LRRK2: variants seen among roughly 807,000 people sequenced by gnomAD.
LRRK2 encodes the protein leucine-rich repeat serine/threonine-protein kinase 2.
A neutral mutation model predicts 302.6 loss-of-function variants in LRRK2; 203 were observed. The ratio of observed to expected loss-of-function variants is 0.67; its 90% confidence interval spans 0.60 to 0.75. The LOEUF (loss-of-function observed/expected upper bound fraction) is 0.75. LRRK2 is among the 30% of genes least tolerant of loss of function. The pLI is 0.00. For missense variants in LRRK2, 2,830 were observed against 2,951.0 expected, an observed-to-expected ratio of 0.96 and a Z score of 0.95; for synonymous variants, 1,066 against 1,031.9, an observed-to-expected ratio of 1.03 and a Z score of -0.63.
rs554631231 is a variant in LRRK2 at position 40,333,668 on chromosome 12, A to G, written c.5758-1299A>G. ...CAATCCCTCTGTCCAAGCCAAAATGATATCTCGGACTTTTTTTGAATTGCA... is the reference window on the plus strand; with the variant it reads ...CAATCCCTCTGTCCAAGCCAAAATGGTATCTCGGACTTTTTTTGAATTGCA... On this transcript the variant is annotated intron_variant, in intron 39 of 50. Transcript: ENST00000298910. Among the ~76,000 whole-genome samples the G allele has an allele frequency of 2.7e-5, 4 of 150,330 alleles. No homozygotes were observed. The South Asian group carries it at 6.4e-4, about 24-fold the overall frequency.
At chr12:40,343,776 C>T (rs1400744667) in intron 41 of LRRK2, among the ~76,000 whole-genome samples, 2 of 152,042 alleles carry the variant, frequency 1.3e-5, no homozygotes, top group African/African-American at 2.4e-5. Flanking sequence ...GGCAACAATA[C>T]ATTGAACATT....
intron 11 of LRRK2, 133 bp downstream of exon 11, chr12:40,253,149 G>C (rs775490410): frequency 8.1e-6 from 5 of 621,102 alleles, no homozygotes; most frequent in Non-Finnish European, 1.4e-5. Context: ...TCTATGTGTA[G>C]AGATGTATTG....
intron 18 of LRRK2, among the ~76,000 whole-genome samples, chr12:40,280,598 C>G (rs1336831009): frequency 6.9e-6 from 1 of 145,396 alleles, no homozygotes; most frequent in Non-Finnish European, 1.5e-5. Flanking sequence ...GCACTCCAGC[C>G]TAGGCAACAG....
At chr12:40,359,025 TTG>T (rs1946625160) in intron 46 of LRRK2, among the ~76,000 whole-genome samples, 1 of 152,032 alleles carries the variant, frequency 6.6e-6, no homozygotes, top group Non-Finnish European at 1.5e-5. Context: ...TACTTTGTTG[TTG>T]TTGTTGTATA....
chr12:40,317,832 C>T (rs78774467), intron 33 of LRRK2, among the ~76,000 whole-genome samples: 3,311 of 152,098 alleles, frequency 0.022, 52 homozygotes, highest in Non-Finnish European at 0.035. Flanking sequence ...GTAACAAACC[C>T]CCTCGAAACT....
At chr12:40,265,052 G>T (rs912522947) in intron 14 of LRRK2, among the ~76,000 whole-genome samples, 1 of 152,086 alleles carries the variant, frequency 6.6e-6, no homozygotes, top group African/African-American at 2.4e-5. Flanking sequence ...CTTCCAGAGA[G>T]ATCTCCCTTA....
At chr12:40,325,114 C>T (rs1013167711) in intron 38 of LRRK2, among the ~76,000 whole-genome samples, 1 of 152,068 alleles carries the variant, frequency 6.6e-6, no homozygotes, top group Non-Finnish European at 1.5e-5. Context: ...GGTGAAACCT[C>T]ATCTCTACTA....
chr12:40,355,478 A>G (rs1234114251), intron 45 of LRRK2, among the ~76,000 whole-genome samples: 2 of 145,556 alleles, frequency 1.4e-5, no homozygotes, highest in Admixed American at 6.8e-5. Context: ...TCTCCCACAG[A>G]CACTGGGGAA....
intron 46 of LRRK2, among the ~76,000 whole-genome samples, chr12:40,356,475 C>T (rs1946543600): frequency 7.3e-6 from 1 of 137,404 alleles, no homozygotes; most frequent in South Asian, 2.5e-4. Flanking sequence ...GCAGATAATT[C>T]CTTATAAATA....
intron 46 of LRRK2, among the ~76,000 whole-genome samples, chr12:40,358,411 T>TGA (rs1431465846): frequency 6.6e-6 from 1 of 152,178 alleles, no homozygotes. Context: ...TTGTAAATGG[T>TGA]GAGAGAGTGG....
intron 40 of LRRK2, among the ~76,000 whole-genome samples, chr12:40,338,687 A>G (rs1046316094): frequency 3.3e-5 from 5 of 152,238 alleles, no homozygotes; most frequent in African/African-American, 1.2e-4. Flanking sequence ...TGCCACTGAC[A>G]TTATTTCAAA....
chr12:40,278,528 G>A (rs1173220959), intron 18 of LRRK2, among the ~76,000 whole-genome samples: 1 of 152,044 alleles, frequency 6.6e-6, no homozygotes, highest in Non-Finnish European at 1.5e-5. Context: ...TCCCTTAGTA[G>A]GCATCTCTAC....
intron 30 of LRRK2, 52 bp downstream of exon 30, chr12:40,309,285 CGT>C (rs10650388): frequency 3.1e-3 from 4,042 of 1,299,758 alleles, no homozygotes; most frequent in East Asian, 5.5e-3. Context: ...TGTCTGTGTG[CGT>C]GTGTGTGTGT....
Position 40,367,791 on chromosome 12 carries a change from T to C in LRRK2, c.*26T>C. The C allele has an allele frequency of 1.3e-6, 2 of 1,594,776 alleles. No homozygotes were observed. Among genetic ancestry groups the C allele is most frequent in the Non-Finnish European group, 1.7e-6 (2 of 1,168,564 alleles). The stretch of plus-strand genomic sequence containing the variant: ...GAGAGAAATAGGAATTGTCTTTGGA[T>C]AGGAAAATTATTCTCTCCTCTTGTA... On this transcript the variant is annotated 3_prime_UTR_variant, in exon 51 of 51. Coordinates refer to ENST00000298910, the MANE Select transcript of LRRK2 (RefSeq NM_198578.4).
intron 39 of LRRK2, among the ~76,000 whole-genome samples, chr12:40,328,724 C>T (rs1402827777): frequency 6.6e-6 from 1 of 152,172 alleles, no homozygotes; most frequent in Non-Finnish European, 1.5e-5. Context: ...CACTTACACT[C>T]CTCTTTTTAC....
intron 11 of LRRK2, 97 bp from the exon 12 acceptor site, chr12:40,257,151 T>C (rs945951810): frequency 4.6e-6 from 4 of 872,168 alleles, no homozygotes; most frequent in Non-Finnish European, 7.3e-6. Flanking sequence ...TGTATATGCT[T>C]TCCTGTAAAT....
rs766693133 is a variant in LRRK2, at chr12:40,340,438, A to C, written c.6093A>C (p.Thr2031=). The C allele has an allele frequency of 5.6e-6, 9 of 1,613,862 alleles. No individual in the cohort carries two copies. The South Asian group carries it at 9.9e-5, about 18-fold the overall frequency. Residue 2031 remains threonine (T), a synonymous_variant, in exon 41 of 51, where the codon ACA becomes ACC. Transcript: ENST00000298910. ...AQYCCRMGIK[T]SEGTPGFRAP... ...ACTGCTGTAGAATGGGGATAAAAACATCAGAGGGCACACCAGGTAGGTGAT... is the reference window on the plus strand; with the variant it reads ...ACTGCTGTAGAATGGGGATAAAAACCTCAGAGGGCACACCAGGTAGGTGAT...
chr12:40,232,466 G>A (rs1314102611), intron 3 of LRRK2, 83 bp downstream of exon 3: 2 of 960,266 alleles, frequency 2.1e-6, no homozygotes, highest in Non-Finnish European at 3.4e-6. Context: ...CACTGTGTTT[G>A]CAATCCAAGG....
chr12:40,275,075 T>C, intron 16 of LRRK2, 82 bp downstream of exon 16: 1 of 1,427,040 alleles, frequency 7.0e-7, no homozygotes, highest in Non-Finnish European at 9.9e-7. Flanking sequence ...CCACTTTGCA[T>C]GAATGGGGTA....
Sources: allele counts gnomAD v4.1 joint callset (sites outside exome capture counted in the v4.1 genomes callset), GRCh38; gene constraint gnomAD v4.1.1; transcripts MANE v1.5; gene names NCBI Gene and HGNC (gene_info 2026-07-23, HGNC 2026-07-21).